HDAC1: variants seen among roughly 807,000 people sequenced by gnomAD.
The protein encoded by HDAC1 is protein deacetylase HDAC1.
HDAC1 carries 18 observed loss-of-function variants against 65.5 expected under a neutral mutation model. The ratio of observed to expected loss-of-function variants is 0.27; its 90% CI spans 0.19 to 0.41. HDAC1 has a LOEUF of 0.41. Among genes scored for constraint, HDAC1 ranks in the 10% least tolerant of loss-of-function variants. HDAC1 has a pLI of 1.00. For synonymous variants in HDAC1, 211 were observed against 227.9 expected, an observed-to-expected ratio of 0.93 and a Z score of 0.67; for missense variants, 373 against 625.2, an observed-to-expected ratio of 0.60 and a Z score of 4.30.
chr1:32,323,366 C>T (rs1478941629), intron 3 of HDAC1, among the ~76,000 whole-genome samples: 1 of 151,668 alleles, frequency 6.6e-6, no homozygotes, highest in Non-Finnish European at 1.5e-5. Context: ...ACTAACAGCT[C>T]ACCTCTCTGA....
chr1:32,330,278 T>C lies in HDAC1; in HGVS notation c.730-300T>C. 1 of 364,852 alleles carries C rather than the reference T, an allele frequency of 2.7e-6. No homozygotes were observed. The highest frequency in any genetic ancestry group is 5.1e-6 in the Non-Finnish European group (1 of 194,848). 22.6% of individuals were successfully genotyped at this position (364,852 alleles called of 1,614,324 possible). A position where few individuals can be genotyped will look rare whatever the true frequency, so the allele number is the denominator to read the frequency against. ...GCAGCTAAAGGTCAGGAAGGCTTCC[T>C]GGAGGAAGTGGCACTAGAGCTTGGG... On this transcript the variant is annotated intron_variant, in intron 7 of 13. Transcript: ENST00000373548. This position sits in a 1 kb window ranked among gnomAD's most constrained non-coding sequence, Gnocchi z 4.2.
chr1:32,294,293 C>G (rs978942668), intron 1 of HDAC1, among the ~76,000 whole-genome samples: 2 of 151,612 alleles, frequency 1.3e-5, no homozygotes, highest in African/African-American at 2.4e-5. Flanking sequence ...GGATTACAGG[C>G]GTGCGCCACC....
intron 1 of HDAC1, among the ~76,000 whole-genome samples, chr1:32,298,498 G>A (rs187908962): frequency 4.7e-4 from 72 of 152,238 alleles, no homozygotes; most frequent in Admixed American, 2.6e-3. Context: ...TTACAGGCGT[G>A]AGCCACTAGG....
intron 1 of HDAC1, among the ~76,000 whole-genome samples, chr1:32,295,662 G>A (rs114867996): frequency 6.6e-6 from 1 of 152,124 alleles, no homozygotes; most frequent in Admixed American, 6.6e-5. Flanking sequence ...CTCCCAAAAG[G>A]CTCCACTTCC....
chr1:32,316,565 C>T, intron 2 of HDAC1, 100 bp from the exon 3 acceptor site: 1 of 731,572 alleles, frequency 1.4e-6, no homozygotes, highest in Admixed American at 2.0e-5. Context: ...CTTTATAGCA[C>T]CTAGCTCCAT....
At position 32,327,618 on chromosome 1, in the gene HDAC1, G is replaced by C. The variant is rs201750526; in HGVS notation, c.577G>C (p.Val193Leu). ...VEEAFYTTDR[V>L]MTVSFHKYGE... ...AGAGGCCTTCTACACCACGGACCGG[G>C]TCATGACTGTGTCCTTTCATAAGTA... Residue 193 changes from valine (V) to leucine (L), a missense_variant, in exon 6 of 14, where the codon GTC becomes CTC. Val to Leu is a conservative substitution (Grantham distance 32). This residue lies in a region of HDAC1 where 62 missense variants were observed against 180.0 expected (regional missense o/e 0.34). Transcript: ENST00000373548. This position sits in a 1 kb window ranked among gnomAD's most constrained non-coding sequence, Gnocchi z 6.0. The C allele has an allele frequency of 6.2e-7, 1 of 1,613,908 alleles. No individual in the cohort carries two copies. The highest frequency in any genetic ancestry group is 8.5e-7 in the Non-Finnish European group (1 of 1,179,766).
At chr1:32,302,581 C>T (rs760879142) in intron 1 of HDAC1, 40 bp from the exon 2 acceptor site, 7 of 969,590 alleles carry the variant, frequency 7.2e-6, no homozygotes, top group African/African-American at 1.6e-5. Context: ...GTAGTGTATG[C>T]CTAACTGTGT....
rs530548798 is a variant in HDAC1 at position 32,324,980 on chromosome 1, A to T, written c.355+427A>T. On this transcript the variant is annotated intron_variant, in intron 4 of 13. Transcript: ENST00000373548. Reference sequence around the variant, plus strand: ...GACCCTGCCTCCAAAAAAAAAATTTAAAAAGCCTCTAAAATGTCCCTCTGG... The same window carrying T: ...GACCCTGCCTCCAAAAAAAAAATTTTAAAAGCCTCTAAAATGTCCCTCTGG... Among the ~76,000 whole-genome samples the T allele has an allele frequency of 1.2e-4, 18 of 152,052 alleles. No individual in the cohort carries two copies. The South Asian group carries it at 3.3e-3, about 28-fold the overall frequency.
rs185231354 is a variant in HDAC1, at chr1:32,330,483, T to C, written c.730-95T>C. 6.1e-6 allele frequency: 5 copies of C among 816,848 alleles called. No individual in the cohort carries two copies. In the Admixed American group the frequency reaches 8.7e-5, roughly 14 times the overall value. The allele number at this position is 816,848 out of a possible 1,614,324, so 50.6% of individuals were successfully genotyped here. A position where few individuals can be genotyped will look rare whatever the true frequency, so the allele number is the denominator to read the frequency against. On this transcript the variant is annotated intron_variant, in intron 7 of 13. Coordinates refer to ENST00000373548, the MANE Select transcript of HDAC1 (RefSeq NM_004964.3). This position sits in a 1 kb window ranked among gnomAD's most constrained non-coding sequence, Gnocchi z 4.2. ...CATAGCATGAGGGAGAGTGGAAAGG[T>C]AGGAGTGGGTGGGAAAGTGTTGCAC... is the stretch of plus-strand genomic sequence containing the variant.
At chr1:32,307,988 T>C (rs1640933997) in intron 2 of HDAC1, among the ~76,000 whole-genome samples, 1 of 152,216 alleles carries the variant, frequency 6.6e-6, no homozygotes, top group South Asian at 2.1e-4. Context: ...GAAAGGAACC[T>C]TGTAAAGTTT....
intron 2 of HDAC1, among the ~76,000 whole-genome samples, chr1:32,307,584 A>C (rs1007201209): frequency 2.0e-5 from 3 of 152,342 alleles, no homozygotes; most frequent in Non-Finnish European, 4.4e-5. Flanking sequence ...ACAGAGCTGG[A>C]TGTTACAAAA....
chr1:32,314,653 C>T (rs1641034278), intron 2 of HDAC1, among the ~76,000 whole-genome samples: 1 of 151,840 alleles, frequency 6.6e-6, no homozygotes, highest in Non-Finnish European at 1.5e-5. Context: ...GGTGAAACCC[C>T]ATCTCTACTA....
At chr1:32,332,643 C>A in intron 12 of HDAC1, 58 bp from the exon 13 acceptor site, 2 of 1,296,230 alleles carry the variant, frequency 1.5e-6, no homozygotes, top group Non-Finnish European at 2.2e-6. Flanking sequence ...TAAATGAAGA[C>A]CTCATGGGTC....
Position 32,297,925 on chromosome 1 carries a change from T to C in HDAC1, c.50-4696T>C, listed in dbSNP as rs1570000465. 2.1e-5 allele frequency among the ~76,000 whole-genome samples: 3 copies of C among 144,444 alleles called. No individual in the cohort carries two copies. The South Asian group carries it at 6.6e-4, about 32-fold the overall frequency. 94.8% of individuals were successfully genotyped at this position (144,444 alleles called of 152,430 possible). ...CTGCCTCAGCCTCCCGAGTAACTGG[T>C]ACTACAGGCGCCTACCACCACACCT... is the stretch of plus-strand genomic sequence containing the variant. On this transcript the variant is annotated intron_variant, in intron 1 of 13. Coordinates refer to ENST00000373548, the MANE Select transcript of HDAC1 (RefSeq NM_004964.3).
Position 32,311,334 on chromosome 1 carries a change from C to T in HDAC1, c.163-5331C>T, listed in dbSNP as rs368576263. Among the ~76,000 whole-genome samples, 54 of 151,722 alleles carry T rather than the reference C, an allele frequency of 3.6e-4. 1 individual carries two copies. In the East Asian group the frequency reaches 4.5e-3, roughly 13 times the overall value. On this transcript the variant is annotated intron_variant, in intron 2 of 13. Transcript: ENST00000373548. ...AATACAAAAATTAGCCGGGCGTGGT[C>T]GCGGGTGCCTGTAATCCCAGCTACT...
Position 32,327,856 on chromosome 1 carries a change from T to C in HDAC1, c.636+179T>C. The C allele has an allele frequency of 3.1e-6, 2 of 653,618 alleles. No individual in the cohort carries two copies. The highest frequency in any genetic ancestry group is 2.8e-6 in the Non-Finnish European group (1 of 360,132). The allele number at this position is 653,618 out of a possible 1,614,324, so 40.5% of individuals were successfully genotyped here. A position where few individuals can be genotyped will look rare whatever the true frequency, so the allele number is the denominator to read the frequency against. The stretch of plus-strand genomic sequence containing the variant: ...TCCTTATTCTGGAGGAAGGGAATGA[T>C]GGGACATAAAGGGCCAGAGAAAGAA... On this transcript the variant is annotated intron_variant, in intron 6 of 13. Transcript: ENST00000373548. This position sits in a 1 kb window ranked among gnomAD's most constrained non-coding sequence, Gnocchi z 6.0.
Position 32,329,174 on chromosome 1 carries a change from T to C in HDAC1, c.729+14T>C, listed in dbSNP as rs763571199. ...ATTTTCAAGCCGGTAAGTGGCTTTA[T>C]CCACCCCTTGGGCTACAAACAGGGG... On this transcript the variant is annotated intron_variant, in intron 7 of 13. Transcript: ENST00000373548. The surrounding 1 kb of genome is among the most constrained non-coding windows in gnomAD (Gnocchi z 4.1). The C allele has an allele frequency of 2.2e-5, 33 of 1,516,944 alleles. No individual in the cohort carries two copies. The highest frequency in any genetic ancestry group is 2.9e-5 in the Non-Finnish European group (32 of 1,091,378). The allele number at this position is 1,516,944 out of a possible 1,614,324, so 94.0% of individuals were successfully genotyped here. A position where few individuals can be genotyped will look rare whatever the true frequency, so the allele number is the denominator to read the frequency against.
chr1:32,299,900 CA>C (rs899329043), intron 1 of HDAC1, among the ~76,000 whole-genome samples: 2 of 151,798 alleles, frequency 1.3e-5, no homozygotes, highest in East Asian at 3.9e-4. Flanking sequence ...ACTAAAAGTA[CA>C]AAAAAAATTA....
chr1:32,332,140 G>C lies in HDAC1; in HGVS notation c.1270G>C (p.Glu424Gln). The change falls in exon 12 of 14, where the codon GAA becomes CAA. Residue 424 changes from glutamate (E) to glutamine (Q), a missense_variant. By Grantham distance (29) the Glu-to-Gln change is conservative. Transcript: ENST00000373548. ...IACEEEFSDS[E>Q]EEGEGGRKNS... is the part of the protein sequence containing the mutation. ...CTGTGAGGAAGAGTTCTCCGATTCT[G>C]AAGAGGAGGGAGAGGGGGGCCGCAA... is the stretch of plus-strand genomic sequence containing the variant. 6.2e-7 allele frequency: 1 copy of C among 1,613,010 alleles called. No individual in the cohort carries two copies. The highest frequency in any genetic ancestry group is 8.5e-7 in the Non-Finnish European group (1 of 1,179,418).
Sources: gnomAD v4.1 joint callset for allele counts (sites outside exome capture counted in the v4.1 genomes callset) on GRCh38, gnomAD v4.1.1 for gene constraint, gnomAD v4.1.1 regional missense constraint, Gnocchi (gnomAD v3.1) non-coding constraint, MANE v1.5 for transcripts, NCBI Gene and HGNC (gene_info 2026-07-23, HGNC 2026-07-21) for gene names.